CDH18: variants seen among roughly 807,000 people sequenced by gnomAD.
CDH18 encodes cadherin 18.
A neutral mutation model predicts 67.9 loss-of-function variants in CDH18; 31 were observed. That is an observed-to-expected ratio of 0.46 (90% CI 0.34 to 0.62). The LOEUF (loss-of-function observed/expected upper bound fraction) is 0.62, where lower values mean the gene tolerates loss of function less well. CDH18 is among the 20% of genes least tolerant of loss of function. The pLI, the probability that CDH18 is intolerant of heterozygous loss-of-function variation, is 0.01. For synonymous variants in CDH18, 362 were observed against 347.2 expected (o/e 1.04, Z -0.48); for missense variants, 890 against 975.5 (o/e 0.91, Z 1.17).
chr5:20,128,688 T>A (rs1029426226), intron 2 of CDH18, among the ~76,000 whole-genome samples: 1 of 152,112 alleles, frequency 6.6e-6, no homozygotes, highest in African/African-American at 2.4e-5. Flanking sequence ...AATATGAGTT[T>A]GTAAGTTGTG....
At chr5:20,049,305 C>CA (rs1741198860) in intron 2 of CDH18, among the ~76,000 whole-genome samples, 1 of 151,164 alleles carries the variant, frequency 6.6e-6, no homozygotes, top group African/African-American at 2.4e-5. Context: ...ACAACAGCAA[C>CA]AAAAAACACA....
At chr5:20,018,825 C>T (rs1464462626) in intron 2 of CDH18, among the ~76,000 whole-genome samples, 2 of 138,554 alleles carry the variant, frequency 1.4e-5, no homozygotes, top group Admixed American at 1.4e-4. Flanking sequence ...GACGGAGTTT[C>T]GCTCTGTCGC....
Position 19,712,287 on chromosome 5 carries a change from A to T in CDH18, c.643+9060T>A, listed in dbSNP as rs568894794. The stretch of plus-strand genomic sequence containing the variant: ...ACAAAACTCTACTTGTATCCCTCAA[A>T]TTTATAGAAATAAAAGAAAATACAG... On this transcript the variant is annotated intron_variant, in intron 5 of 12. Transcript: ENST00000382275. Among the ~76,000 whole-genome samples, 3 of 152,170 alleles carry T rather than the reference A, an allele frequency of 2.0e-5. No homozygotes were observed. In the South Asian group the frequency reaches 6.2e-4, roughly 32 times the overall value.
intron 6 of CDH18, among the ~76,000 whole-genome samples, chr5:19,607,317 A>C (rs913427972): frequency 6.6e-6 from 1 of 151,454 alleles, no homozygotes. Context: ...AGCAACAATG[A>C]CAATTTCATA....
intron 1 of CDH18, among the ~76,000 whole-genome samples, chr5:20,372,584 A>C (rs1356838106): frequency 6.6e-6 from 1 of 152,200 alleles, no homozygotes; most frequent in Non-Finnish European, 1.5e-5. Context: ...CAAGAATTTT[A>C]ATTGAAATCA....
At chr5:19,677,042 T>C (rs1310516159) in intron 5 of CDH18, among the ~76,000 whole-genome samples, 2 of 152,068 alleles carry the variant, frequency 1.3e-5, no homozygotes, top group African/African-American at 4.8e-5. Flanking sequence ...TTTAGACACG[T>C]ATGGATTTGC....
intron 4 of CDH18, among the ~76,000 whole-genome samples, chr5:19,744,503 T>TACACACACACACACACACAC: frequency 6.8e-6 from 1 of 146,270 alleles, no homozygotes; most frequent in Non-Finnish European, 1.5e-5. Context: ...TAACTCAGTG[T>TACACACACACACACACACAC]ACACACACAC....
At chr5:20,240,191 T>C (rs1043634339) in intron 2 of CDH18, among the ~76,000 whole-genome samples, 3 of 151,982 alleles carry the variant, frequency 2.0e-5, no homozygotes, top group Non-Finnish European at 4.4e-5. Flanking sequence ...TGATTACTAA[T>C]GCTAAAGGAA....
chr5:19,505,857 A>C (rs1319617053), intron 10 of CDH18, among the ~76,000 whole-genome samples: 31 of 151,702 alleles, frequency 2.0e-4, no homozygotes, highest in African/African-American at 6.8e-4. Context: ...AGGATTCCCT[A>C]TTTTTCTATT....
intron 2 of CDH18, among the ~76,000 whole-genome samples, chr5:20,150,805 T>A: frequency 6.6e-6 from 1 of 152,034 alleles, no homozygotes; most frequent in East Asian, 1.9e-4. Flanking sequence ...GTTTAAAGCT[T>A]TGTAGCTTAG....
rs151179831 is a variant in CDH18, at chr5:19,936,377, T to C, written c.-257+44683A>G. ...TCTCTGGCTAAAAATTAGGACAAAA[T>C]GTTGAGGAAAGCCATGGGAATGTTC... On this transcript the variant is annotated intron_variant, in intron 2 of 12. Coordinates refer to ENST00000382275, the MANE Select transcript of CDH18 (RefSeq NM_004934.5). Among the ~76,000 whole-genome samples the C allele has an allele frequency of 6.2e-3, 935 of 151,364 alleles. 8 individuals are homozygous for C. The highest frequency in any genetic ancestry group is 0.01 in the Non-Finnish European group (697 of 67,426).
chr5:19,784,910 T>C (rs1775532720), intron 3 of CDH18, among the ~76,000 whole-genome samples: 1 of 152,186 alleles, frequency 6.6e-6, no homozygotes, highest in Admixed American at 6.5e-5. Flanking sequence ...TTTTTTCTAC[T>C]GACTTCAAGT....
intron 2 of CDH18, among the ~76,000 whole-genome samples, chr5:19,962,156 GTCT>G (rs1796967631): frequency 6.6e-6 from 1 of 151,626 alleles, no homozygotes; most frequent in Non-Finnish European, 1.5e-5. Context: ...TGAGTGGGAA[GTCT>G]TCTCCACTGT....
At chr5:20,035,929 T>C (rs1739822027) in intron 2 of CDH18, among the ~76,000 whole-genome samples, 1 of 152,082 alleles carries the variant, frequency 6.6e-6, no homozygotes, top group South Asian at 2.1e-4. Flanking sequence ...GATAGCTGAA[T>C]ATATTTTTCT....
chr5:20,259,920 C>T (rs1308175448), intron 1 of CDH18, among the ~76,000 whole-genome samples: 2 of 151,744 alleles, frequency 1.3e-5, no homozygotes, highest in Non-Finnish European at 2.9e-5. Flanking sequence ...TTGGCCTTTC[C>T]AAGTGGCAAG....
intron 11 of CDH18, among the ~76,000 whole-genome samples, chr5:19,496,734 C>T (rs1742396436): frequency 1.3e-5 from 2 of 149,270 alleles, no homozygotes; most frequent in Non-Finnish European, 3.0e-5. Context: ...ATCGCTTGAA[C>T]CTGAGAGGCG....
intron 3 of CDH18, among the ~76,000 whole-genome samples, chr5:19,797,268 G>A (rs951160844): frequency 2.6e-5 from 4 of 151,690 alleles, no homozygotes; most frequent in Non-Finnish European, 4.4e-5. Flanking sequence ...ATACAATTTG[G>A]AGCAAGGAAA....
intron 8 of CDH18, among the ~76,000 whole-genome samples, chr5:19,553,502 G>A (rs148417066): frequency 6.6e-6 from 1 of 151,872 alleles, no homozygotes; most frequent in East Asian, 1.9e-4. Context: ...GACATGAATG[G>A]TAAAGCAAAT....
intron 7 of CDH18, among the ~76,000 whole-genome samples, chr5:19,581,759 CATT>C (rs2149986614): frequency 6.6e-6 from 1 of 152,118 alleles, no homozygotes; most frequent in East Asian, 1.9e-4. Flanking sequence ...TGACTGACAT[CATT>C]ATTAATTTTT....
Sources: gnomAD v4.1 joint callset for allele counts (sites outside exome capture counted in the v4.1 genomes callset) on GRCh38, gnomAD v4.1.1 for gene constraint, MANE v1.5 for transcripts, NCBI Gene and HGNC (gene_info 2026-07-23, HGNC 2026-07-21) for gene names.